Variants in BLVRA observed in about 807,000 individuals in gnomAD.
BLVRA encodes biliverdin reductase A.
Under a neutral mutation model 32.8 loss-of-function variants are expected in BLVRA, and 22 were observed. That is an observed-to-expected ratio of 0.67 (90% CI 0.48 to 0.96). BLVRA has a LOEUF of 0.96. BLVRA is among the 40% of genes least tolerant of loss of function. The pLI is 0.00. For missense variants in BLVRA, 323 were observed against 358.1 expected, an observed-to-expected ratio of 0.90 and a Z score of 0.79; for synonymous variants, 119 against 141.3, an observed-to-expected ratio of 0.84 and a Z score of 1.12.
intron 7 of BLVRA, among the ~76,000 whole-genome samples, chr7:43,805,182 C>T (rs1413371473): frequency 6.6e-6 from 1 of 151,964 alleles, no homozygotes; most frequent in African/African-American, 2.4e-5. Context: ...TAGGTCAGCT[C>T]ATGGTTCTGA....
At chr7:43,794,236 A>C (rs918749447) in intron 5 of BLVRA, among the ~76,000 whole-genome samples, 8 of 152,238 alleles carry the variant, frequency 5.3e-5, no homozygotes, top group African/African-American at 1.9e-4. Flanking sequence ...TCTCAAAAAT[A>C]AAAATAAAAA....
Position 43,787,942 on chromosome 7 carries a change from C to T in BLVRA, c.51C>T (p.Gly17=). 6.2e-7 allele frequency: 1 copy of T among 1,614,178 alleles called. No homozygotes were observed. The highest frequency in any genetic ancestry group is 8.5e-7 in the Non-Finnish European group (1 of 1,180,022). ...TTGGCGTGGTGGTGGTTGGTGTTGG[C>T]CGAGCCGGCTCCGTGCGGATGAGGG... The part of the protein sequence containing the change: ...RKFGVVVVGV[G]RAGSVRMRDL... The change falls in exon 3 of 8, where the codon GGC becomes GGT. Residue 17 remains glycine, a synonymous_variant. Coordinates refer to ENST00000265523, the MANE Select transcript of BLVRA (RefSeq NM_000712.4). This position sits in a 1 kb window ranked among gnomAD's most constrained non-coding sequence, Gnocchi z 4.5.
chr7:43,758,386 G>C (rs2095738441), upstream of BLVRA, among the ~76,000 whole-genome samples: 1 of 152,112 alleles, frequency 6.6e-6, no homozygotes, highest in Non-Finnish European at 1.5e-5. Flanking sequence ...CACCGTGAGG[G>C]GGCCCAGCCA....
At chr7:43,767,359 G>T (rs542607604) in intron 1 of BLVRA, 20 of 1,598,532 alleles carry the variant, frequency 1.3e-5, no homozygotes, top group Non-Finnish European at 1.5e-5. Flanking sequence ...AAGCTCATTA[G>T]CATCTACACT....
At chr7:43,793,776 A>G (rs2095788759) in intron 5 of BLVRA, among the ~76,000 whole-genome samples, 1 of 151,474 alleles carries the variant, frequency 6.6e-6, no homozygotes, top group Non-Finnish European at 1.5e-5. Flanking sequence ...GGCGCCCACC[A>G]CCATGCCCAG....
chr7:43,780,078 G>A (rs1430967538), intron 2 of BLVRA, among the ~76,000 whole-genome samples: 1 of 151,894 alleles, frequency 6.6e-6, no homozygotes, highest in Non-Finnish European at 1.5e-5. Context: ...CACTATGTTG[G>A]CCAGGCTGGG....
rs900801865 is a variant in BLVRA at position 43,769,048 on chromosome 7, G to A, written c.-21-2090G>A. 7.2e-5 allele frequency among the ~76,000 whole-genome samples: 11 copies of A among 151,906 alleles called. 1 individual carries two copies. Among genetic ancestry groups the A allele is most frequent in the Admixed American group, 5.9e-4 (9 of 15,254 alleles). ...GACAGAGGTGACGACATGTGAGATA[G>A]TGACTCATGTCACTATCACTCTAGG... On this transcript the variant is annotated intron_variant, in intron 1 of 7. Coordinates refer to ENST00000265523, the MANE Select transcript of BLVRA (RefSeq NM_000712.4).
intron 3 of BLVRA, among the ~76,000 whole-genome samples, chr7:43,789,125 A>C (rs1312793387): frequency 1.3e-5 from 2 of 152,202 alleles, no homozygotes; most frequent in African/African-American, 4.8e-5. Context: ...TACAGGCACC[A>C]GACTAATCCT....
In BLVRA at chr7:43,786,927, AT is replaced by A. The variant is rs35592453; in HGVS notation, c.13-964del. Among the ~76,000 whole-genome samples, 473 of 147,280 alleles carry A rather than the reference AT, an allele frequency of 3.2e-3. 1 individual carries two copies. Among genetic ancestry groups the A allele is most frequent in the Non-Finnish European group, 4.0e-3 (267 of 66,516 alleles). On this transcript the variant is annotated intron_variant, in intron 2 of 7. Coordinates refer to ENST00000265523, the MANE Select transcript of BLVRA (RefSeq NM_000712.4). ...TGAGTTTAAGGGATGCATGGAGATA[AT>A]TTTTTTTTTTTTGAGATAGAGTCTC...
intron 2 of BLVRA, among the ~76,000 whole-genome samples, chr7:43,782,235 G>T (rs562846154): frequency 6.6e-6 from 1 of 152,164 alleles, no homozygotes; most frequent in Non-Finnish European, 1.5e-5. Context: ...GCTTGGGAGG[G>T]TCAGTGAAAG....
chr7:43,783,863 T>C (rs944006316), intron 2 of BLVRA, among the ~76,000 whole-genome samples: 3 of 152,214 alleles, frequency 2.0e-5, no homozygotes, highest in African/African-American at 4.8e-5. Context: ...TCCAACTGCC[T>C]GGACTCTCCT....
At position 43,803,841 on chromosome 7, in the gene BLVRA, A is replaced by G; in HGVS notation, c.626A>G (p.Lys209Arg). ...ATGACAGTGTGTCTGGAGACAGAGA[A>G]GAAAAGGTAAGTCATGAGAAGCCAT... ...MKMTVCLETE[K>R]KSPLSWIEEK... The change falls in exon 7 of 8, where the codon AAG becomes AGG. Residue 209 changes from lysine to arginine, a missense_variant. By Grantham distance (26) the Lys-to-Arg change is conservative. Transcript: ENST00000265523. 6.2e-7 allele frequency: 1 copy of G among 1,614,022 alleles called. No individual in the cohort carries two copies. Among genetic ancestry groups the G allele is most frequent in the Non-Finnish European group, 8.5e-7 (1 of 1,179,946 alleles).
intron 3 of BLVRA, 123 bp downstream of exon 3, chr7:43,788,148 C>T: frequency 6.5e-7 from 1 of 1,540,226 alleles, no homozygotes. Flanking sequence ...GAGAACTGTG[C>T]TTAGGGTCAG....
intron 2 of BLVRA, among the ~76,000 whole-genome samples, chr7:43,776,854 A>G (rs1281248796): frequency 6.6e-6 from 1 of 152,186 alleles, no homozygotes; most frequent in African/African-American, 2.4e-5. Context: ...TATTTAGGAT[A>G]GTTAGCTCTT....
chr7:43,778,433 GCAGCGGTGGCTGCAGTA>G (rs552889531), intron 2 of BLVRA, among the ~76,000 whole-genome samples: 3 of 152,190 alleles, frequency 2.0e-5, no homozygotes, highest in Admixed American at 6.5e-5. Flanking sequence ...CTGGGTATCA[GCAGCGGTGGCTGCAGTA>G]CAGCGGTGGC....
At chr7:43,784,094 C>T (rs1487821740) in intron 2 of BLVRA, among the ~76,000 whole-genome samples, 2 of 152,182 alleles carry the variant, frequency 1.3e-5, no homozygotes, top group Non-Finnish European at 2.9e-5. Context: ...TGATTTGGAC[C>T]TAAGTGAGTT....
chr7:43,780,663 G>C (rs1426325766), intron 2 of BLVRA, among the ~76,000 whole-genome samples: 1 of 152,172 alleles, frequency 6.6e-6, no homozygotes, highest in South Asian at 2.1e-4. Flanking sequence ...CACACACCCA[G>C]TTCCTGACAC....
intron 1 of BLVRA, among the ~76,000 whole-genome samples, chr7:43,768,936 T>G (rs1039545166): frequency 6.6e-6 from 1 of 151,858 alleles, no homozygotes; most frequent in Non-Finnish European, 1.5e-5. Flanking sequence ...CTGAGATTTT[T>G]TTTTTTTTTA....
At chr7:43,788,870 G>T (rs942185034) in intron 3 of BLVRA, among the ~76,000 whole-genome samples, 9 of 151,240 alleles carry the variant, frequency 6.0e-5, no homozygotes, top group Non-Finnish European at 1.3e-4. Context: ...AACTCCTGGG[G>T]TCAAGTGATC....
Sources: gnomAD v4.1 joint callset for allele counts (sites outside exome capture counted in the v4.1 genomes callset) on GRCh38, gnomAD v4.1.1 for gene constraint, Gnocchi (gnomAD v3.1) non-coding constraint, MANE v1.5 for transcripts, NCBI Gene and HGNC (gene_info 2026-07-23, HGNC 2026-07-21) for gene names.